The following ERC1 variants were observed in gnomAD, a reference collection of about 807,000 sequenced individuals.
ERC1 encodes the protein ELKS/RAB6-interacting/CAST family member 1, also known as RAB6 interacting protein 2.
ERC1 carries 56 observed loss-of-function variants against 132.0 expected under a neutral mutation model. That is an observed-to-expected ratio of 0.42 (90% confidence interval 0.34 to 0.53). The LOEUF is 0.53. ERC1 is among the 20% of genes least tolerant of loss of function. The probability of loss-of-function intolerance (pLI) is 0.03; values close to 1 mark genes in which losing one functional copy is unlikely to be tolerated. For synonymous variants in ERC1, 478 were observed against 476.1 expected (o/e 1.00, Z -0.05); for missense variants, 1,202 against 1,349.9 (o/e 0.89, Z 1.72).
intron 12 of ERC1, among the ~76,000 whole-genome samples, chr12:1,228,954 T>C (rs2074817495): frequency 6.6e-6 from 1 of 152,226 alleles, no homozygotes; most frequent in African/African-American, 2.4e-5. Flanking sequence ...TCATCAGTAC[T>C]ATTGACCTGT....
chr12:1,415,787 C>T (rs955149554), intron 17 of ERC1, among the ~76,000 whole-genome samples: 1 of 152,168 alleles, frequency 6.6e-6, no homozygotes, highest in African/African-American at 2.4e-5. Flanking sequence ...AGAAGTGGAT[C>T]AGAGATTTTA....
chr12:1,115,261 A>G (rs966886429), intron 6 of ERC1, among the ~76,000 whole-genome samples: 1 of 152,242 alleles, frequency 6.6e-6, no homozygotes, highest in East Asian at 1.9e-4. Context: ...GAAATTAATC[A>G]ATACACATAA....
intron 18 of ERC1, among the ~76,000 whole-genome samples, chr12:1,471,496 C>G (rs1288583345): frequency 2.0e-5 from 3 of 152,196 alleles, no homozygotes; most frequent in African/African-American, 7.2e-5. Flanking sequence ...AACATTTGTT[C>G]TGGATTTTGT....
chr12:1,161,091 T>C (rs1951845479), intron 8 of ERC1, among the ~76,000 whole-genome samples: 1 of 152,196 alleles, frequency 6.6e-6, no homozygotes, highest in African/African-American at 2.4e-5. Flanking sequence ...TTCCCAGTCT[T>C]TCTAAACCGT....
intron 16 of ERC1, among the ~76,000 whole-genome samples, chr12:1,373,813 AAATT>A (rs60926754): frequency 3.3e-5 from 4 of 119,836 alleles, no homozygotes; most frequent in Admixed American, 2.2e-4. Flanking sequence ...AAAGAAAAGG[AAATT>A]AATTAATCTC....
chr12:1,195,064 G>C (rs1363929856), intron 12 of ERC1, among the ~76,000 whole-genome samples: 3 of 151,792 alleles, frequency 2.0e-5, no homozygotes, highest in African/African-American at 7.3e-5. Context: ...ATTTGAAGGA[G>C]GGGCTCTATA....
At chr12:1,131,796 G>A (rs529006604) in intron 7 of ERC1, among the ~76,000 whole-genome samples, 1 of 152,068 alleles carries the variant, frequency 6.6e-6, no homozygotes, top group Non-Finnish European at 1.5e-5. Flanking sequence ...GAAGTGAGAG[G>A]CCAAAACAGT....
intron 17 of ERC1, among the ~76,000 whole-genome samples, chr12:1,414,448 A>C (rs1316883371): frequency 1.3e-5 from 2 of 152,146 alleles, no homozygotes; most frequent in Non-Finnish European, 2.9e-5. Context: ...TAATCTTCCC[A>C]AAGCCATCCA....
intron 17 of ERC1, among the ~76,000 whole-genome samples, chr12:1,432,852 A>C (rs1052476845): frequency 3.9e-5 from 6 of 152,240 alleles, no homozygotes; most frequent in African/African-American, 1.4e-4. Context: ...AGTGATACAC[A>C]TCTGTCTCTA....
At chr12:1,100,250 G>A (rs1345375823) in intron 3 of ERC1, among the ~76,000 whole-genome samples, 1 of 152,126 alleles carries the variant, frequency 6.6e-6, no homozygotes, top group Non-Finnish European at 1.5e-5. Context: ...TGACTGACAT[G>A]TTGAGGAAAA....
intron 12 of ERC1, among the ~76,000 whole-genome samples, chr12:1,200,707 C>T (rs560755037): frequency 3.9e-5 from 6 of 152,186 alleles, no homozygotes; most frequent in African/African-American, 7.2e-5. Context: ...TACAGGCGCC[C>T]GCCACCACAG....
chr12:1,196,806 T>TTCTCTCTCTCTCTGTCTCTCTC (rs1956280963), intron 12 of ERC1, among the ~76,000 whole-genome samples: 1 of 90,320 alleles, frequency 1.1e-5, no homozygotes, highest in Non-Finnish European at 2.3e-5. Flanking sequence ...CGCACGCTAT[T>TTCTCTCTCTCTCTGTCTCTCTC]TCTCTCTCTC....
At chr12:1,415,102 T>A (rs1244855415) in intron 17 of ERC1, among the ~76,000 whole-genome samples, 1 of 152,246 alleles carries the variant, frequency 6.6e-6, no homozygotes, top group African/African-American at 2.4e-5. Flanking sequence ...ACACTGAATA[T>A]AATGGAGTTG....
chr12:1,071,046 A>G (rs372696345), intron 2 of ERC1, among the ~76,000 whole-genome samples: 26 of 152,284 alleles, frequency 1.7e-4, no homozygotes, highest in South Asian at 6.2e-4. Context: ...CCTTTTATAT[A>G]CTGAGTAACA....
intron 16 of ERC1, among the ~76,000 whole-genome samples, chr12:1,372,731 G>A (rs2087392080): frequency 6.6e-6 from 1 of 152,240 alleles, no homozygotes; most frequent in African/African-American, 2.4e-5. Context: ...CAGCCTCCGT[G>A]GCTGTCTCCT....
At chr12:1,229,058 T>C (rs543526938) in intron 12 of ERC1, among the ~76,000 whole-genome samples, 1 of 152,350 alleles carries the variant, frequency 6.6e-6, no homozygotes, top group South Asian at 2.1e-4. Context: ...GCCTCTTTAA[T>C]TCTTTGGATG....
intron 15 of ERC1, among the ~76,000 whole-genome samples, chr12:1,293,326 G>T (rs574707644): frequency 1.3e-5 from 2 of 148,794 alleles, no homozygotes; most frequent in South Asian, 2.2e-4. Context: ...GGTGGCGGGC[G>T]CCTGTAGTCC....
intron 2 of ERC1, among the ~76,000 whole-genome samples, chr12:1,041,742 A>G (rs1970248112): frequency 6.6e-6 from 1 of 152,260 alleles, no homozygotes; most frequent in African/African-American, 2.4e-5. Flanking sequence ...CTTTAGTAAC[A>G]GTGAGCAATG....
In ERC1 at chr12:1,493,531, T is replaced by TAAAAAAAAAAA. The variant is rs771102189; in HGVS notation, c.*3309_*3319dup. 3 of 42,366 alleles carry TAAAAAAAAAAA rather than the reference T, an allele frequency of 7.1e-5. No homozygotes were observed. Among genetic ancestry groups the TAAAAAAAAAAA allele is most frequent in the African/African-American group, 1.8e-4 (2 of 11,190 alleles). 2.6% of individuals were successfully genotyped at this position (42,366 alleles called of 1,614,324 possible). On this transcript the variant is annotated 3_prime_UTR_variant, in exon 19 of 19. Coordinates refer to ENST00000360905, the MANE Select transcript of ERC1 (RefSeq NM_178040.4). Reference sequence around the variant, plus strand: ...CAGCCTGGGTGACAGAGACTCCATTTAAAAAAAAAAAAAAAAAATATATAT... The same window carrying TAAAAAAAAAAA: ...CAGCCTGGGTGACAGAGACTCCATTTAAAAAAAAAAAAAAAAAAAAAAAAAAAAATATATAT...
Sources: allele counts gnomAD v4.1 joint callset (sites outside exome capture counted in the v4.1 genomes callset), GRCh38; gene constraint gnomAD v4.1.1; transcripts MANE v1.5; gene names NCBI Gene and HGNC (gene_info 2026-07-23, HGNC 2026-07-21).